The following SLC9A1 variants were observed in gnomAD, a reference collection of about 807,000 sequenced individuals.
SLC9A1 encodes the protein sodium/hydrogen exchanger 1.
SLC9A1 carries 22 observed loss-of-function variants against 67.9 expected under a neutral mutation model. That is an observed-to-expected ratio of 0.32 (90% CI 0.23 to 0.46). The LOEUF (loss-of-function observed/expected upper bound fraction) is 0.46. Ranked by LOEUF, SLC9A1 falls within the 20% of genes least tolerant of loss-of-function variation. SLC9A1 has a pLI of 1.00. For missense variants in SLC9A1, 686 were observed against 1,094.8 expected (o/e 0.63, Z 5.27); for synonymous variants, 421 against 471.8 (o/e 0.89, Z 1.40).
rs57395053 is a variant in SLC9A1, at chr1:27,134,414, C to T, written c.352+19569G>A. On this transcript the variant is annotated intron_variant, in intron 1 of 11. Coordinates refer to ENST00000263980, the MANE Select transcript of SLC9A1 (RefSeq NM_003047.5). ...TCATTTTGCTTTGCTCTTTCATGTA[C>T]ATTATTTCATTTAAACCTCATGGTA... is the stretch of plus-strand genomic sequence containing the variant. 9.5e-3 allele frequency among the ~76,000 whole-genome samples: 1,452 copies of T among 152,288 alleles called. 28 individuals are homozygous for T. The highest frequency in any genetic ancestry group is 0.034 in the African/African-American group (1,393 of 41,534).
At position 27,105,552 on chromosome 1, in the gene SLC9A1, C is replaced by T. The variant is rs998458682; in HGVS notation, c.1485+333G>A. On this transcript the variant is annotated intron_variant, in intron 5 of 11. Coordinates refer to ENST00000263980, the MANE Select transcript of SLC9A1 (RefSeq NM_003047.5). ...ACCTCAGGTGATCCACCCCCTCAGC[C>T]TCCCAAAGTGCTGGGATTACAGGCG... The T allele has an allele frequency of 6.3e-5, 39 of 619,116 alleles. No homozygotes were observed. The African/African-American group carries it at 7.0e-4, about 11-fold the overall frequency. 38.4% of individuals were successfully genotyped at this position (619,116 alleles called of 1,614,324 possible). A position where few individuals can be genotyped will look rare whatever the true frequency, so the allele number is the denominator to read the frequency against.
Position 27,118,349 on chromosome 1 carries a change from G to C in SLC9A1, c.353-4063C>G, listed in dbSNP as rs1179093063. On this transcript the variant is annotated intron_variant, in intron 1 of 11. Transcript: ENST00000263980. The surrounding 1 kb of genome is among the most constrained non-coding windows in gnomAD (Gnocchi z 4.3). ...TTGGAAAGCACTTCTAGGGCTGGGGGAGGAAGGGATTCTGTCATCAAGAGG... is the reference window on the plus strand; with the variant it reads ...TTGGAAAGCACTTCTAGGGCTGGGGCAGGAAGGGATTCTGTCATCAAGAGG... 1.3e-5 allele frequency among the ~76,000 whole-genome samples: 2 copies of C among 152,218 alleles called. No homozygotes were observed. The highest frequency in any genetic ancestry group is 6.5e-5 in the Admixed American group (1 of 15,278).
Position 27,114,146 on chromosome 1 carries a change from G to A in SLC9A1, c.493C>T (p.Leu165=). The change falls in exon 2 of 12, where the codon CTG becomes TTG. Residue 165 remains leucine, a synonymous_variant. Transcript: ENST00000263980. This position sits in a 1 kb window ranked among gnomAD's most constrained non-coding sequence, Gnocchi z 5.4. ...FLQSDVFFLF[L]LPPIILDAGY... ...GCATCCAGGATGATGGGCGGCAGCAGGAAGAGGAAGAAGACGTCGGACTGC... is the reference window on the plus strand; with the variant it reads ...GCATCCAGGATGATGGGCGGCAGCAAGAAGAGGAAGAAGACGTCGGACTGC... 6.2e-7 allele frequency: 1 copy of A among 1,614,208 alleles called. No individual in the cohort carries two copies. Among genetic ancestry groups the A allele is most frequent in the Non-Finnish European group, 8.5e-7 (1 of 1,180,042 alleles).
intron 1 of SLC9A1, among the ~76,000 whole-genome samples, chr1:27,147,038 G>A (rs2083490436): frequency 1.3e-5 from 2 of 152,008 alleles, no homozygotes; most frequent in Non-Finnish European, 2.9e-5. Flanking sequence ...TTGGGAGGCT[G>A]AGGCGGGCAG....
chr1:27,112,780 A>G (rs961946427), intron 2 of SLC9A1, among the ~76,000 whole-genome samples: 4 of 149,352 alleles, frequency 2.7e-5, no homozygotes, highest in Non-Finnish European at 5.9e-5. Flanking sequence ...GCTACTTGGG[A>G]GGCTGAGGCA....
At chr1:27,117,319 C>CCTGCCCCTG (rs1557743651) in intron 1 of SLC9A1, among the ~76,000 whole-genome samples, 6 of 152,220 alleles carry the variant, frequency 3.9e-5, no homozygotes, top group Non-Finnish European at 7.3e-5. Context: ...GCTGACCCCC[C>CCTGCCCCTG]TCCACAGCCT....
intron 1 of SLC9A1, among the ~76,000 whole-genome samples, chr1:27,116,908 T>C (rs2083276019): frequency 6.6e-6 from 1 of 152,136 alleles, no homozygotes; most frequent in South Asian, 2.1e-4. Flanking sequence ...TTCCTCTCTC[T>C]AGAAATCATT....
chr1:27,129,288 T>A (rs1169427838), intron 1 of SLC9A1, among the ~76,000 whole-genome samples: 3 of 152,196 alleles, frequency 2.0e-5, no homozygotes, highest in Non-Finnish European at 4.4e-5. Flanking sequence ...CTGGGCTCTG[T>A]GTGGTGGGAG....
intron 1 of SLC9A1, among the ~76,000 whole-genome samples, chr1:27,138,629 G>A (rs1456980473): frequency 1.3e-5 from 2 of 152,094 alleles, no homozygotes; most frequent in Admixed American, 6.5e-5. Context: ...GCACCGGCGC[G>A]AGGCAGTCTA....
In SLC9A1 at chr1:27,100,141, G is replaced by A. The variant is rs754230646; in HGVS notation, c.*166C>T. The A allele has an allele frequency of 1.4e-4, 67 of 492,452 alleles. No homozygotes were observed. Among genetic ancestry groups the A allele is most frequent in the Non-Finnish European group, 1.9e-4 (55 of 284,882 alleles). The allele number at this position is 492,452 out of a possible 1,614,324, so 30.5% of individuals were successfully genotyped here. A position where few individuals can be genotyped will look rare whatever the true frequency, so the allele number is the denominator to read the frequency against. ...GTGGGGAGGATGCTTCCCGGGAGGC[G>A]GCAGGGGAGGAGCTGTGCTGGGGTG... On this transcript the variant is annotated 3_prime_UTR_variant, in exon 12 of 12. Transcript: ENST00000263980. This position sits in a 1 kb window ranked among gnomAD's most constrained non-coding sequence, Gnocchi z 5.6.
rs1290710074 is a variant in SLC9A1, at chr1:27,106,489, G to A, written c.1283-402C>T. 6.6e-6 allele frequency among the ~76,000 whole-genome samples: 1 copy of A among 152,136 alleles called. No homozygotes were observed. Among genetic ancestry groups the A allele is most frequent in the African/African-American group, 2.4e-5 (1 of 41,404 alleles). On this transcript the variant is annotated intron_variant, in intron 4 of 11. Coordinates refer to ENST00000263980, the MANE Select transcript of SLC9A1 (RefSeq NM_003047.5). The surrounding 1 kb of genome is among the most constrained non-coding windows in gnomAD (Gnocchi z 4.3). ...TCCATAATAAAGCATAAAAAATGCAGAGGGCTGGGCCCAACCTCCACCCAC... is the reference window on the plus strand; with the variant it reads ...TCCATAATAAAGCATAAAAAATGCAAAGGGCTGGGCCCAACCTCCACCCAC...
At chr1:27,145,548 C>T (rs2083479904) in intron 1 of SLC9A1, among the ~76,000 whole-genome samples, 1 of 152,232 alleles carries the variant, frequency 6.6e-6, no homozygotes, top group Admixed American at 6.5e-5. Context: ...TGGGCTCTAA[C>T]ACACAGCTGT....
chr1:27,114,867 G>A lies in SLC9A1; in HGVS notation c.353-581C>T, dbSNP rs1221956630. ...AATCTAAGAATACCAGCGTGGGAAG[G>A]AACTTGGGGATAATAAGGCCTGGGG... On this transcript the variant is annotated intron_variant, in intron 1 of 11. Transcript: ENST00000263980. The surrounding 1 kb of genome is among the most constrained non-coding windows in gnomAD (Gnocchi z 5.4). Among the ~76,000 whole-genome samples the A allele has an allele frequency of 2.0e-5, 3 of 152,306 alleles. No individual in the cohort carries two copies. The East Asian group carries it at 5.8e-4, about 29-fold the overall frequency.
At position 27,101,864 on chromosome 1, in the gene SLC9A1, G is replaced by T. The variant is rs1182062889; in HGVS notation, c.1936-38C>A. 6.5e-7 allele frequency: 1 copy of T among 1,543,976 alleles called. No individual in the cohort carries two copies. ...CAGCGTCAGGGCAGTGCGGGCCCCG[G>T]AAGGCTCTGCTCATGGAGGGGTGGG... On this transcript the variant is annotated intron_variant, in intron 9 of 11. Transcript: ENST00000263980. The surrounding 1 kb of genome is among the most constrained non-coding windows in gnomAD (Gnocchi z 4.9).
intron 1 of SLC9A1, among the ~76,000 whole-genome samples, chr1:27,139,370 C>T (rs2083439329): frequency 6.6e-6 from 1 of 152,162 alleles, no homozygotes; most frequent in Admixed American, 6.5e-5. Context: ...CAGCAATCCT[C>T]GAGCACTTAA....
chr1:27,102,619 C>T, intron 7 of SLC9A1, 54 bp downstream of exon 7: 1 of 1,611,708 alleles, frequency 6.2e-7, no homozygotes. Context: ...GATGCCCAGG[C>T]CCAGGAGACC....
rs1268770134 is a variant in SLC9A1 at position 27,106,767 on chromosome 1, C to T, written c.1283-680G>A. Among the ~76,000 whole-genome samples the T allele has an allele frequency of 6.6e-6, 1 of 152,014 alleles. No homozygotes were observed. Among genetic ancestry groups the T allele is most frequent in the Non-Finnish European group, 1.5e-5 (1 of 67,968 alleles). On this transcript the variant is annotated intron_variant, in intron 4 of 11. Coordinates refer to ENST00000263980, the MANE Select transcript of SLC9A1 (RefSeq NM_003047.5). This position sits in a 1 kb window ranked among gnomAD's most constrained non-coding sequence, Gnocchi z 4.3. ...CATAGGTTTGGAGGACTGCACGTGG[C>T]TCTGCATGCGATTCGGCACATGCTC...
intron 1 of SLC9A1, among the ~76,000 whole-genome samples, chr1:27,133,098 C>T (rs543441012): frequency 5.3e-5 from 8 of 151,640 alleles, no homozygotes; most frequent in African/African-American, 1.9e-4. Context: ...GACGGAGTCT[C>T]ACTCTCTTGC....
intron 1 of SLC9A1, among the ~76,000 whole-genome samples, chr1:27,152,818 C>T (rs991445200): frequency 1.3e-5 from 2 of 152,206 alleles, no homozygotes; most frequent in Non-Finnish European, 2.9e-5. Flanking sequence ...AGCCCGGCAG[C>T]ACCGCTCAGC....
Sources: allele counts gnomAD v4.1 joint callset (sites outside exome capture counted in the v4.1 genomes callset), GRCh38; gene constraint gnomAD v4.1.1; non-coding constraint Gnocchi (gnomAD v3.1); transcripts MANE v1.5; gene names NCBI Gene and HGNC (gene_info 2026-07-23, HGNC 2026-07-21).